The following SLC14A2 variants were observed in gnomAD, a reference collection of about 807,000 sequenced individuals.
The protein encoded by SLC14A2 is solute carrier family 14 member 2.
SLC14A2 carries 91 observed loss-of-function variants against 104.6 expected under a neutral mutation model. The observed-to-expected ratio is 0.87, with a 90% confidence interval of 0.73 to 1.04. The LOEUF (loss-of-function observed/expected upper bound fraction) is 1.04, where lower values mean the gene tolerates loss of function less well. SLC14A2 is among the 50% of genes least tolerant of loss of function. The probability of loss-of-function intolerance (pLI) is 0.00; values close to 1 mark genes in which losing one functional copy is unlikely to be tolerated. For missense variants in SLC14A2, 1,189 were observed against 1,156.0 expected, an observed-to-expected ratio of 1.03 and a Z score of -0.41; for synonymous variants, 476 against 466.4, an observed-to-expected ratio of 1.02 and a Z score of -0.27.
At chr18:45,501,619 G>T (rs544625539) in intron 2 of SLC14A2, among the ~76,000 whole-genome samples, 1 of 152,324 alleles carries the variant, frequency 6.6e-6, no homozygotes, top group African/African-American at 2.4e-5. Context: ...CCATAGAGTT[G>T]CCGGGACACT....
intron 1 of SLC14A2, among the ~76,000 whole-genome samples, chr18:45,384,425 G>A (rs2085871933): frequency 1.3e-5 from 2 of 152,142 alleles, no homozygotes; most frequent in Admixed American, 1.3e-4. Context: ...GAGCTTCCTG[G>A]CTCTAAGATT....
At chr18:45,587,753 A>G (rs2044588489) in intron 2 of SLC14A2, among the ~76,000 whole-genome samples, 1 of 152,184 alleles carries the variant, frequency 6.6e-6, no homozygotes, top group Non-Finnish European at 1.5e-5. Context: ...CCACCCAGCT[A>G]GGAAAGGCAG....
intron 1 of SLC14A2, among the ~76,000 whole-genome samples, chr18:45,302,388 G>T (rs1272252443): frequency 6.6e-6 from 1 of 152,190 alleles, no homozygotes; most frequent in Non-Finnish European, 1.5e-5. Context: ...CTACAGAATA[G>T]CTTTTCCAAT....
chr18:45,492,706 C>T (rs1055955303), intron 2 of SLC14A2, among the ~76,000 whole-genome samples: 3 of 152,202 alleles, frequency 2.0e-5, no homozygotes, highest in African/African-American at 4.8e-5. Flanking sequence ...GGGGGAATGG[C>T]TAGCTGGTTC....
At chr18:45,284,087 T>C (rs1599642118) in intron 1 of SLC14A2, among the ~76,000 whole-genome samples, 1 of 152,250 alleles carries the variant, frequency 6.6e-6, no homozygotes, top group Non-Finnish European at 1.5e-5. Context: ...TTTTTAAATG[T>C]GACTGTAAAA....
chr18:45,290,646 A>G (rs113890383), intron 1 of SLC14A2, among the ~76,000 whole-genome samples: 97 of 152,352 alleles, frequency 6.4e-4, no homozygotes, highest in African/African-American at 2.3e-3. Flanking sequence ...TGAAACACAC[A>G]CTGGGTTTCG....
chr18:45,632,411 G>T lies in SLC14A2; in HGVS notation c.583G>T (p.Val195Leu), dbSNP rs766420771. 6.2e-7 allele frequency: 1 copy of T among 1,614,020 alleles called. No individual in the cohort carries two copies. The highest frequency in any genetic ancestry group is 8.5e-7 in the Non-Finnish European group (1 of 1,179,940). Residue 195 changes from valine (V) to leucine (L), a missense_variant, in exon 5 of 20, where the codon GTG becomes TTG. Coordinates refer to ENST00000255226, the MANE Select transcript of SLC14A2 (RefSeq NM_007163.4). ...GATGCTGGTGGGACTGCTGATGGCC[G>T]TGTTCTCGGAGAAGTTAGACTACTA... ...NGMLVGLLMA[V>L]FSEKLDYYWW...
In SLC14A2 at chr18:45,663,850, T is replaced by C; in HGVS notation, c.1417T>C (p.Ser473Pro). The C allele has an allele frequency of 6.2e-7, 1 of 1,613,050 alleles. No homozygotes were observed. The highest frequency in any genetic ancestry group is 1.1e-5 in the South Asian group (1 of 91,032). The change falls in exon 11 of 20, where the codon TCC becomes CCC. Residue 473 changes from serine (S) to proline (P), a missense_variant. Transcript: ENST00000255226. ...KVEEGSEAVL[S>P]KHRSVFHIEW... ...GGAGGAGGGCTCGGAGGCTGTGCTC[T>C]CCAAGCACAGGAGTGTATTTCACAT...
chr18:45,466,622 A>G (rs1437534815), intron 1 of SLC14A2, among the ~76,000 whole-genome samples: 1 of 149,664 alleles, frequency 6.7e-6, no homozygotes, highest in Non-Finnish European at 1.5e-5. Context: ...CCAAAAACTC[A>G]GGTGACCTAA....
At chr18:45,201,022 C>T in the SLC14A2 span, among the ~76,000 whole-genome samples, 10 of 152,108 alleles carry the variant, frequency 6.6e-5, no homozygotes, top group East Asian at 5.8e-4. Flanking sequence ...CTCAGACTTT[C>T]CATTTTTTGA....
At chr18:45,652,528 C>T (rs1164852573) in intron 10 of SLC14A2, among the ~76,000 whole-genome samples, 1 of 152,228 alleles carries the variant, frequency 6.6e-6, no homozygotes, top group African/African-American at 2.4e-5. Flanking sequence ...TCCACATGGA[C>T]TTGGGCCCTT....
chr18:45,463,904 C>T (rs1455098064), intron 1 of SLC14A2, among the ~76,000 whole-genome samples: 1 of 152,198 alleles, frequency 6.6e-6, no homozygotes, highest in Non-Finnish European at 1.5e-5. Flanking sequence ...TGCTCAGAGC[C>T]AGCTGAAAAG....
At chr18:45,354,090 T>C (rs1050060182) in intron 1 of SLC14A2, among the ~76,000 whole-genome samples, 3 of 152,010 alleles carry the variant, frequency 2.0e-5, no homozygotes, top group African/African-American at 4.8e-5. Flanking sequence ...GGGGGTAGAG[T>C]TGACATAAGT....
At chr18:45,214,040 G>T (rs1446063707) in intron 1 of SLC14A2, among the ~76,000 whole-genome samples, 2 of 152,188 alleles carry the variant, frequency 1.3e-5, no homozygotes, top group Non-Finnish European at 2.9e-5. Flanking sequence ...TAGGAAAAGG[G>T]TATGCAAGAG....
chr18:45,422,813 C>G (rs974478173), intron 1 of SLC14A2, among the ~76,000 whole-genome samples: 1 of 152,186 alleles, frequency 6.6e-6, no homozygotes, highest in African/African-American at 2.4e-5. Context: ...TCATCTCCTT[C>G]TTGTCCTCTG....
chr18:45,292,205 T>A (rs2084877068), intron 1 of SLC14A2, among the ~76,000 whole-genome samples: 1 of 152,226 alleles, frequency 6.6e-6, no homozygotes, highest in Admixed American at 6.5e-5. Flanking sequence ...GCAACCCCTG[T>A]CAAAGTCACA....
chr18:45,200,344 G>A, the SLC14A2 span, among the ~76,000 whole-genome samples: 1 of 152,066 alleles, frequency 6.6e-6, no homozygotes, highest in Non-Finnish European at 1.5e-5. Flanking sequence ...CTTTGCCCCA[G>A]GATTTTGATG....
intron 2 of SLC14A2, among the ~76,000 whole-genome samples, chr18:45,521,304 C>A (rs72902304): frequency 0.1 from 15,522 of 152,194 alleles, 850 homozygotes; most frequent in Non-Finnish European, 0.12. Context: ...AGCTTACAGC[C>A]AAAGCATACT....
chr18:45,588,846 C>T (rs922633765), intron 2 of SLC14A2, among the ~76,000 whole-genome samples: 7 of 152,068 alleles, frequency 4.6e-5, no homozygotes, highest in Non-Finnish European at 4.4e-5. Flanking sequence ...AACCGTAATT[C>T]TTTTACAGCA....
Sources: allele counts gnomAD v4.1 joint callset (sites outside exome capture counted in the v4.1 genomes callset), GRCh38; gene constraint gnomAD v4.1.1; transcripts MANE v1.5; gene names NCBI Gene and HGNC (gene_info 2026-07-23, HGNC 2026-07-21).